XXYLT1: variants seen among roughly 807,000 people sequenced by gnomAD.
The protein encoded by XXYLT1 is UDP-xylose:alpha-xyloside alpha-1,3-xylosyltransferase.
A neutral mutation model predicts 28.9 loss-of-function variants in XXYLT1; 20 were observed. The observed-to-expected ratio is 0.69, with a 90% confidence interval of 0.49 to 1.00. The LOEUF (loss-of-function observed/expected upper bound fraction) is 1.00, where lower values mean the gene tolerates loss of function less well. Ranked by LOEUF, XXYLT1 falls within the 50% of genes least tolerant of loss-of-function variation. The pLI is 0.00. For synonymous variants in XXYLT1, 257 were observed against 253.8 expected (o/e 1.01, Z -0.12); for missense variants, 542 against 560.1 (o/e 0.97, Z 0.33).
chr3:195,113,891 T>G (rs1717910407), intron 3 of XXYLT1, among the ~76,000 whole-genome samples: 1 of 152,078 alleles, frequency 6.6e-6, no homozygotes, highest in African/African-American at 2.4e-5. Flanking sequence ...GGTGTCTGAG[T>G]TGGCCATGAA....
At chr3:195,254,407 A>G (rs573523603) in intron 1 of XXYLT1, among the ~76,000 whole-genome samples, 5 of 152,346 alleles carry the variant, frequency 3.3e-5, no homozygotes, top group South Asian at 4.1e-4. Flanking sequence ...TTCCCCTGTG[A>G]GGAAACTGGG....
At chr3:195,116,389 G>A (rs1052882463) in intron 3 of XXYLT1, among the ~76,000 whole-genome samples, 1 of 152,224 alleles carries the variant, frequency 6.6e-6, no homozygotes, top group African/African-American at 2.4e-5. Flanking sequence ...TTCTGAGTCA[G>A]TAGGTCTGGG....
chr3:195,250,158 A>C (rs1351219804), intron 1 of XXYLT1, among the ~76,000 whole-genome samples: 3 of 152,006 alleles, frequency 2.0e-5, no homozygotes, highest in African/African-American at 7.3e-5. Flanking sequence ...GCAGCCCCTC[A>C]CACCTGCTGC....
At chr3:195,132,506 T>A (rs917987084) in intron 3 of XXYLT1, among the ~76,000 whole-genome samples, 1 of 151,934 alleles carries the variant, frequency 6.6e-6, no homozygotes, top group African/African-American at 2.4e-5. Context: ...CTTAGAACAG[T>A]GCTTGGCGCA....
At chr3:195,234,491 A>G (rs12498063) in intron 1 of XXYLT1, among the ~76,000 whole-genome samples, 14,730 of 148,274 alleles carry the variant, frequency 0.099, 1,367 homozygotes, top group African/African-American at 0.24. Context: ...GCTAATTTTT[A>G]TATTTTTAGT....
intron 3 of XXYLT1, among the ~76,000 whole-genome samples, chr3:195,155,005 G>A (rs1004762199): frequency 1.3e-5 from 2 of 152,174 alleles, no homozygotes; most frequent in African/African-American, 4.8e-5. Flanking sequence ...AGTTAAGATG[G>A]CAGGTGTCTG....
intron 3 of XXYLT1, among the ~76,000 whole-genome samples, chr3:195,110,345 G>GTGTGTGAGGTGTATGGGTGAGGTGC (rs1560100887): frequency 3.5e-4 from 10 of 28,420 alleles, no homozygotes; most frequent in Non-Finnish European, 6.6e-4. Context: ...GTATGTGTGT[G>GTGTGTGAGGTGTATGGGTGAGGTGC]GTGTGTGGTG....
At chr3:195,144,979 C>T (rs6808474) in intron 3 of XXYLT1, among the ~76,000 whole-genome samples, 4,013 of 152,258 alleles carry the variant, frequency 0.026, 183 homozygotes, top group African/African-American at 0.091. Flanking sequence ...ATGTCTCTAC[C>T]TTGCTTAGAC....
At chr3:195,072,986 C>T (rs574308336) in intron 3 of XXYLT1, among the ~76,000 whole-genome samples, 5 of 152,330 alleles carry the variant, frequency 3.3e-5, no homozygotes, top group East Asian at 1.9e-4. Flanking sequence ...ATCCCCCCAA[C>T]GCAACAGCAC....
chr3:195,215,267 C>A (rs535917539), intron 2 of XXYLT1, among the ~76,000 whole-genome samples: 69 of 146,258 alleles, frequency 4.7e-4, no homozygotes, highest in African/African-American at 1.5e-3. Flanking sequence ...CATCAACTAA[C>A]GAGCAAAATA....
At chr3:195,270,356 A>T in intron 1 of XXYLT1, 199 bp downstream of exon 1, 1 of 884,764 alleles carries the variant, frequency 1.1e-6, no homozygotes, top group Non-Finnish European at 1.4e-6. Context: ...TCCACTCCTC[A>T]GCACCAGCTG....
At chr3:195,135,052 C>T (rs1467534962) in intron 3 of XXYLT1, among the ~76,000 whole-genome samples, 3 of 152,018 alleles carry the variant, frequency 2.0e-5, no homozygotes, top group East Asian at 3.8e-4. Flanking sequence ...ACCACAGGGG[C>T]GTAGATTGTT....
At chr3:195,096,531 C>T (rs946417515) in intron 3 of XXYLT1, among the ~76,000 whole-genome samples, 2 of 152,218 alleles carry the variant, frequency 1.3e-5, no homozygotes, top group African/African-American at 4.8e-5. Context: ...CACACGCATA[C>T]ATTTCCTCGG....
intron 3 of XXYLT1, among the ~76,000 whole-genome samples, chr3:195,082,459 G>A (rs943013032): frequency 2.6e-5 from 4 of 152,186 alleles, no homozygotes; most frequent in Non-Finnish European, 5.9e-5. Context: ...GGCCAGAAAA[G>A]TTCCCTGTGT....
At chr3:195,131,255 C>G (rs1718896854) in intron 3 of XXYLT1, among the ~76,000 whole-genome samples, 1 of 152,234 alleles carries the variant, frequency 6.6e-6, no homozygotes, top group Non-Finnish European at 1.5e-5. Flanking sequence ...TTCCGTCTCC[C>G]CATTCATTTC....
chr3:195,211,793 G>T (rs529174614), intron 2 of XXYLT1, among the ~76,000 whole-genome samples: 1 of 152,064 alleles, frequency 6.6e-6, no homozygotes, highest in African/African-American at 2.4e-5. Flanking sequence ...AGATCTGGAG[G>T]AGGAGAGGGG....
At chr3:195,105,117 C>T (rs1241022927) in intron 3 of XXYLT1, among the ~76,000 whole-genome samples, 1 of 152,176 alleles carries the variant, frequency 6.6e-6, no homozygotes, top group Non-Finnish European at 1.5e-5. Context: ...GTGTTTCACA[C>T]CTCCAGTTCA....
Position 195,118,448 on chromosome 3 carries a change from G to A in XXYLT1, c.785+38001C>T, listed in dbSNP as rs1297419455. Among the ~76,000 whole-genome samples the A allele has an allele frequency of 4.7e-5, 7 of 149,874 alleles. No homozygotes were observed. The East Asian group carries it at 5.8e-4, about 12-fold the overall frequency. On this transcript the variant is annotated intron_variant, in intron 3 of 3. Transcript: ENST00000310380. ...CACCGGGCTCCCAGTGCATGTCACC[G>A]AGCTTGCCTGGCCATGACTCATGCA...
intron 2 of XXYLT1, among the ~76,000 whole-genome samples, chr3:195,194,464 G>A (rs1319798589): frequency 1.3e-5 from 2 of 152,098 alleles, no homozygotes; most frequent in African/African-American, 4.8e-5. Context: ...ATGCCTCCCA[G>A]AAGGGAATAT....
Sources: gnomAD v4.1 joint callset for allele counts (sites outside exome capture counted in the v4.1 genomes callset) on GRCh38, gnomAD v4.1.1 for gene constraint, MANE v1.5 for transcripts, NCBI Gene and HGNC (gene_info 2026-07-23, HGNC 2026-07-21) for gene names.